Variants in USP46 observed in about 807,000 individuals in gnomAD.
USP46 encodes the protein ubiquitin carboxyl-terminal hydrolase 46.
A neutral mutation model predicts 44.4 loss-of-function variants in USP46; 12 were observed. The observed-to-expected ratio is 0.27, with a 90% confidence interval of 0.17 to 0.44. The LOEUF is 0.44. Among genes scored for constraint, USP46 ranks in the 20% least tolerant of loss-of-function variants. The probability of loss-of-function intolerance (pLI) is 1.00; values close to 1 mark genes in which losing one functional copy is unlikely to be tolerated. For synonymous variants in USP46, 155 were observed against 161.5 expected, an observed-to-expected ratio of 0.96 and a Z score of 0.31; for missense variants, 248 against 444.8, an observed-to-expected ratio of 0.56 and a Z score of 3.98.
intron 4 of USP46, among the ~76,000 whole-genome samples, chr4:52,622,264 T>A (rs963804867): frequency 6.6e-6 from 1 of 152,250 alleles, no homozygotes; most frequent in Admixed American, 6.5e-5. Flanking sequence ...ATGGATTTTT[T>A]AAACTATTCT....
chr4:52,598,223 C>T (rs1438376156), intron 8 of USP46, among the ~76,000 whole-genome samples: 1 of 152,130 alleles, frequency 6.6e-6, no homozygotes, highest in African/African-American at 2.4e-5. Flanking sequence ...CCAGATCCAA[C>T]AGACTGAATA....
chr4:52,658,976 C>T lies in USP46; in HGVS notation c.36+139G>A, dbSNP rs1577706530. ...GAGGTGGCTGCGGCCGCGCGCCCAGCTCGGGGGCCGGGAACTTCTGGCGGC... is the reference window on the plus strand; with the variant it reads ...GAGGTGGCTGCGGCCGCGCGCCCAGTTCGGGGGCCGGGAACTTCTGGCGGC... On this transcript the variant is annotated intron_variant, in intron 1 of 8. Transcript: ENST00000441222. The T allele has an allele frequency of 3.7e-6, 4 of 1,085,714 alleles. No homozygotes were observed. In the East Asian group the frequency reaches 1.4e-4, roughly 38 times the overall value. 67.3% of individuals were successfully genotyped at this position (1,085,714 alleles called of 1,614,324 possible).
chr4:52,619,765 C>T (rs985061457), intron 4 of USP46, among the ~76,000 whole-genome samples: 1 of 152,122 alleles, frequency 6.6e-6, no homozygotes, highest in Admixed American at 6.5e-5. Context: ...CCATCAGATG[C>T]TGTTGACCAA....
chr4:52,656,257 A>C (rs779666586), intron 1 of USP46: 1 of 1,547,776 alleles, frequency 6.5e-7, no homozygotes, highest in South Asian at 1.2e-5. Context: ...AGGCCCACAG[A>C]GGAGCTAAGC....
intron 1 of USP46, among the ~76,000 whole-genome samples, chr4:52,650,572 A>C (rs1718717615): frequency 2.6e-5 from 4 of 152,236 alleles, no homozygotes; most frequent in Middle Eastern, 3.2e-3. Flanking sequence ...TATGTCTAAA[A>C]ATAAAAGTAA....
At chr4:52,658,976 C>G (rs1577706530) in intron 1 of USP46, 139 bp downstream of exon 1, 1 of 1,085,606 alleles carries the variant, frequency 9.2e-7, no homozygotes, top group Admixed American at 4.3e-5. Flanking sequence ...GCGCGCCCAG[C>G]TCGGGGGCCG....
Position 52,635,083 on chromosome 4 carries a change from T to C in USP46, c.37-3939A>G, listed in dbSNP as rs543071018. On this transcript the variant is annotated intron_variant, in intron 1 of 8. Transcript: ENST00000441222. ...CAGCTGGCTGCTTCTACTTCTTCTT[T>C]TTTTTTTTTTTTTTGCCTCCTTATA... Among the ~76,000 whole-genome samples, 67 of 148,934 alleles carry C rather than the reference T, an allele frequency of 4.5e-4. No homozygotes were observed. In the South Asian group the frequency reaches 0.011, roughly 25 times the overall value.
chr4:52,657,231 G>C (rs1320806928), intron 1 of USP46, among the ~76,000 whole-genome samples: 1 of 152,030 alleles, frequency 6.6e-6, no homozygotes, highest in Non-Finnish European at 1.5e-5. Flanking sequence ...CTCCACCTGA[G>C]ATGTCAACTC....
intron 1 of USP46, among the ~76,000 whole-genome samples, chr4:52,656,891 T>C (rs1163540729): frequency 6.6e-6 from 1 of 151,440 alleles, no homozygotes; most frequent in Non-Finnish European, 1.5e-5. Context: ...AATTTAAAAA[T>C]TAGCCAGGCA....
intron 1 of USP46, among the ~76,000 whole-genome samples, chr4:52,633,005 AG>A (rs1717971429): frequency 5.6e-5 from 7 of 124,834 alleles, no homozygotes; most frequent in African/African-American, 2.3e-4. Context: ...AAAGAAAGAA[AG>A]AAAGAAAGAA....
At chr4:52,609,942 T>C (rs77139371) in intron 5 of USP46, among the ~76,000 whole-genome samples, 1 of 116,726 alleles carries the variant, frequency 8.6e-6, no homozygotes, top group African/African-American at 3.6e-5. Context: ...TTTTTTTTTT[T>C]TGAGGCGGAG....
In USP46 at chr4:52,592,840, A is replaced by G. The variant is rs1255134767; in HGVS notation, c.*4800T>C. On this transcript the variant is annotated 3_prime_UTR_variant, in exon 9 of 9. Transcript: ENST00000441222. ...GGTGACAGTGAGACTCCATCTTAAAAAAAAAAAAGGAAAGAAAAGTGTGTA... is the reference window on the plus strand; with the variant it reads ...GGTGACAGTGAGACTCCATCTTAAAGAAAAAAAAGGAAAGAAAAGTGTGTA... The G allele has an allele frequency of 7.5e-6, 3 of 398,214 alleles. No homozygotes were observed. Among genetic ancestry groups the G allele is most frequent in the Non-Finnish European group, 1.3e-5 (3 of 226,040 alleles). 24.7% of individuals were successfully genotyped at this position (398,214 alleles called of 1,614,324 possible).
In USP46 at chr4:52,616,679, C is replaced by A. The variant is rs374506084; in HGVS notation, c.562-6062G>T. Among the ~76,000 whole-genome samples, 11 of 152,228 alleles carry A rather than the reference C, an allele frequency of 7.2e-5. No homozygotes were observed. The South Asian group carries it at 2.1e-3, about 29-fold the overall frequency. On this transcript the variant is annotated intron_variant, in intron 4 of 8. Transcript: ENST00000441222. The stretch of plus-strand genomic sequence containing the variant: ...TGAGCCACCGTGCCTGCCTGAGAGA[C>A]CCTGTTTTCAAGGGCAGATGGTACA...
chr4:52,640,904 C>T (rs780158541), intron 1 of USP46, among the ~76,000 whole-genome samples: 5 of 150,778 alleles, frequency 3.3e-5, no homozygotes, highest in Non-Finnish European at 5.9e-5. Context: ...TCGGCAAATA[C>T]CTCAGAGCTG....
At chr4:52,615,294 A>C (rs1010519117) in intron 4 of USP46, among the ~76,000 whole-genome samples, 2 of 152,142 alleles carry the variant, frequency 1.3e-5, no homozygotes, top group Middle Eastern at 3.2e-3. Context: ...GCAAGAGCTA[A>C]ACTTTATATA....
chr4:52,611,318 C>G (rs1479877449), intron 4 of USP46, among the ~76,000 whole-genome samples: 2 of 152,244 alleles, frequency 1.3e-5, no homozygotes, highest in African/African-American at 4.8e-5. Context: ...CAGCCTTCAA[C>G]AGCTCACTCC....
intron 1 of USP46, among the ~76,000 whole-genome samples, chr4:52,632,530 A>G (rs1344085032): frequency 6.6e-6 from 1 of 152,090 alleles, no homozygotes; most frequent in East Asian, 1.9e-4. Flanking sequence ...TGAATAAGAA[A>G]AAAGTTTTGG....
At chr4:52,598,087 T>C (rs1716315807) in intron 8 of USP46, among the ~76,000 whole-genome samples, 1 of 152,246 alleles carries the variant, frequency 6.6e-6, no homozygotes, top group Non-Finnish European at 1.5e-5. Context: ...TTTGGTGTTA[T>C]TCCACTAAAA....
chr4:52,649,900 A>C (rs1032375635), intron 1 of USP46, among the ~76,000 whole-genome samples: 13 of 152,286 alleles, frequency 8.5e-5, no homozygotes, highest in African/African-American at 2.6e-4. Flanking sequence ...TAAAATACAC[A>C]CACACACATA....
Sources: allele counts gnomAD v4.1 joint callset (sites outside exome capture counted in the v4.1 genomes callset), GRCh38; gene constraint gnomAD v4.1.1; transcripts MANE v1.5; gene names NCBI Gene and HGNC (gene_info 2026-07-23, HGNC 2026-07-21).